CCDC7: variants seen among roughly 807,000 people sequenced by gnomAD.
CCDC7 encodes coiled-coil domain containing 7.
A neutral mutation model predicts 196.9 loss-of-function variants in CCDC7; 183 were observed. That is an observed-to-expected ratio of 0.93 (90% CI 0.82 to 1.05). CCDC7 has a LOEUF of 1.05. Among genes scored for constraint, CCDC7 ranks in the 50% least tolerant of loss-of-function variants. CCDC7 has a pLI of 0.00. For missense variants in CCDC7, 1,540 were observed against 1,482.2 expected (o/e 1.04, Z -0.64); for synonymous variants, 525 against 484.6 (o/e 1.08, Z -1.10).
At chr10:32,671,284 T>C (rs1168663025) in intron 21 of CCDC7, among the ~76,000 whole-genome samples, 1 of 152,208 alleles carries the variant, frequency 6.6e-6, no homozygotes, top group Non-Finnish European at 1.5e-5. Context: ...ATTTGTGCTA[T>C]GTTTTTCTAA....
chr10:32,683,054 C>A (rs940510857), intron 21 of CCDC7, among the ~76,000 whole-genome samples: 4 of 152,152 alleles, frequency 2.6e-5, no homozygotes, highest in Non-Finnish European at 5.9e-5. Flanking sequence ...GCATCTTTCT[C>A]ATGATATCTT....
intron 12 of CCDC7, 102 bp from the exon 14 acceptor site, chr10:32,544,145 A>G: frequency 1.0e-6 from 1 of 990,198 alleles, no homozygotes; most frequent in Non-Finnish European, 1.4e-6. Context: ...TTTTAAAAAA[A>G]CTTCATTATT....
At chr10:32,534,974 A>T (rs780095688) in intron 11 of CCDC7, among the ~76,000 whole-genome samples, 3 of 149,808 alleles carry the variant, frequency 2.0e-5, no homozygotes, top group Non-Finnish European at 4.4e-5. Context: ...TGACCCCCTC[A>T]TTCTCACTTT....
intron 1 of CCDC7, among the ~76,000 whole-genome samples, chr10:32,452,584 A>T (rs529723723): frequency 6.6e-6 from 1 of 152,322 alleles, no homozygotes; most frequent in Non-Finnish European, 1.5e-5. Flanking sequence ...CAGTCTCCCG[A>T]GTAGCTGGGA....
chr10:32,606,407 G>A (rs1235741771), intron 18 of CCDC7, among the ~76,000 whole-genome samples: 2 of 152,222 alleles, frequency 1.3e-5, no homozygotes, highest in Non-Finnish European at 2.9e-5. Flanking sequence ...GGAGTTATGG[G>A]AAGGGGCACT....
intron 11 of CCDC7, among the ~76,000 whole-genome samples, chr10:32,535,547 G>C (rs1230442688): frequency 6.6e-6 from 1 of 152,136 alleles, no homozygotes; most frequent in African/African-American, 2.4e-5. Context: ...TTTCTGACTG[G>C]CAGTTGATTG....
intron 7 of CCDC7, 88 bp from the exon 9 acceptor site, chr10:32,473,879 A>T: frequency 8.2e-7 from 1 of 1,221,122 alleles, no homozygotes; most frequent in Non-Finnish European, 1.1e-6. Flanking sequence ...TGAATAAGTT[A>T]CTAAAATTAA....
intron 21 of CCDC7, among the ~76,000 whole-genome samples, chr10:32,681,161 C>A (rs1174941171): frequency 6.6e-6 from 1 of 152,162 alleles, no homozygotes; most frequent in Non-Finnish European, 1.5e-5. Flanking sequence ...ATCACTCTCT[C>A]AGCTAGTAAG....
intron 16 of CCDC7, among the ~76,000 whole-genome samples, chr10:32,573,486 T>C (rs1018658624): frequency 3.3e-5 from 5 of 152,200 alleles, no homozygotes; most frequent in African/African-American, 1.2e-4. Context: ...TCAGTTACTT[T>C]CCATGGGTGT....
At chr10:32,646,466 A>G (rs1248462480) in intron 20 of CCDC7, among the ~76,000 whole-genome samples, 1 of 152,184 alleles carries the variant, frequency 6.6e-6, no homozygotes, top group African/African-American at 2.4e-5. Context: ...AGAATCTTCC[A>G]TGTGCTATGG....
At chr10:32,707,054 C>A (rs1046272341) in intron 24 of CCDC7, among the ~76,000 whole-genome samples, 6 of 152,116 alleles carry the variant, frequency 3.9e-5, no homozygotes, top group African/African-American at 1.4e-4. Flanking sequence ...TGATGAACAT[C>A]GATGCAAAAA....
chr10:32,858,855 CA>C (rs978469096), intron 41 of CCDC7, among the ~76,000 whole-genome samples: 6 of 152,116 alleles, frequency 3.9e-5, no homozygotes, highest in Non-Finnish European at 8.8e-5. Flanking sequence ...ATCAAAGCAA[CA>C]AAAAGAGCTA....
chr10:32,498,415 C>G (rs2134760072), intron 9 of CCDC7, among the ~76,000 whole-genome samples: 2 of 152,214 alleles, frequency 1.3e-5, no homozygotes, highest in South Asian at 4.1e-4. Flanking sequence ...TGAATTTGAG[C>G]TTGTCATTAT....
intron 30 of CCDC7, among the ~76,000 whole-genome samples, chr10:32,811,631 T>C (rs370868260): frequency 6.6e-6 from 1 of 152,088 alleles, no homozygotes; most frequent in Non-Finnish European, 1.5e-5. Context: ...TCACTGCCAA[T>C]TTTTTCCAAA....
intron 32 of CCDC7, among the ~76,000 whole-genome samples, chr10:32,829,191 A>G (rs1416506564): frequency 6.6e-6 from 1 of 152,222 alleles, no homozygotes; most frequent in Non-Finnish European, 1.5e-5. Context: ...ATGGGAAACT[A>G]CAACAGCCCA....
At chr10:32,642,687 G>A (rs1038243924) in intron 20 of CCDC7, among the ~76,000 whole-genome samples, 6 of 152,180 alleles carry the variant, frequency 3.9e-5, no homozygotes, top group African/African-American at 1.2e-4. Flanking sequence ...CTGACACTCC[G>A]CAGTGTGATG....
At chr10:32,724,823 G>T (rs1436314233) in intron 25 of CCDC7, among the ~76,000 whole-genome samples, 2 of 152,090 alleles carry the variant, frequency 1.3e-5, no homozygotes, top group Non-Finnish European at 2.9e-5. Flanking sequence ...GTAAGAGCAT[G>T]GTTGGCCTGG....
At chr10:32,594,762 G>T (rs148937698) in intron 18 of CCDC7, among the ~76,000 whole-genome samples, 1 of 152,020 alleles carries the variant, frequency 6.6e-6, no homozygotes, top group Non-Finnish European at 1.5e-5. Context: ...AGCATGAAGC[G>T]CTGTTGAATT....
chr10:32,799,284 C>A lies in CCDC7; in HGVS notation c.3014-5731C>A, dbSNP rs1359197635. ...TGCTCCAAAATCCGAGAGGGCTCCACTGTGATTCACCTATGGGGGCCTGCC... is the reference window on the plus strand; with the variant it reads ...TGCTCCAAAATCCGAGAGGGCTCCAATGTGATTCACCTATGGGGGCCTGCC... On this transcript the variant is annotated intron_variant, in intron 29 of 41. Coordinates refer to ENST00000639629, the Ensembl canonical transcript of CCDC7. Among the ~76,000 whole-genome samples the A allele has an allele frequency of 2.0e-5, 3 of 152,316 alleles. No individual in the cohort carries two copies. The East Asian group carries it at 5.8e-4, about 29-fold the overall frequency.
Sources: gnomAD v4.1 joint callset for allele counts (sites outside exome capture counted in the v4.1 genomes callset) on GRCh38, gnomAD v4.1.1 for gene constraint, MANE v1.5 for transcripts, NCBI Gene and HGNC (gene_info 2026-07-23, HGNC 2026-07-21) for gene names.